NCKAP1L: variants seen among roughly 807,000 people sequenced by gnomAD.
NCKAP1L encodes the protein nck-associated protein 1-like.
In NCKAP1L, 53 loss-of-function variants were observed where a neutral mutation model predicts 139.2. That is an observed-to-expected ratio of 0.38 (90% CI 0.31 to 0.48). The LOEUF (loss-of-function observed/expected upper bound fraction) is 0.48, where lower values mean the gene tolerates loss of function less well. Among genes scored for constraint, NCKAP1L ranks in the 20% least tolerant of loss-of-function variants. NCKAP1L has a pLI of 0.98. For synonymous variants in NCKAP1L, 468 were observed against 499.7 expected, an observed-to-expected ratio of 0.94 and a Z score of 0.85; for missense variants, 1,151 against 1,381.9, an observed-to-expected ratio of 0.83 and a Z score of 2.65.
intron 16 of NCKAP1L, 83 bp from the exon 17 acceptor site, chr12:54,520,610 TA>T: frequency 1.4e-6 from 2 of 1,441,124 alleles, no homozygotes; most frequent in African/African-American, 1.4e-5. Flanking sequence ...TCTTAAACTC[TA>T]TTTTTCTTTT....
In NCKAP1L at chr12:54,545,884, A is replaced by C. The variant is rs1592357331; in HGVS notation, c.*3199A>C. On this transcript the variant is annotated 3_prime_UTR_variant, in exon 31 of 31. Coordinates refer to ENST00000293373, the MANE Select transcript of NCKAP1L (RefSeq NM_005337.5). ...CCCCTTTTGTTTGGACAGTAGAAAC[A>C]CTGCCTCCCCTGCCATGGTGTTCAA... 1 of 152,368 alleles carries C rather than the reference A, an allele frequency of 6.6e-6. No homozygotes were observed. Among genetic ancestry groups the C allele is most frequent in the East Asian group, 1.9e-4 (1 of 5,180 alleles). The allele number at this position is 152,368 out of a possible 1,614,324, so 9.4% of individuals were successfully genotyped here. A position where few individuals can be genotyped will look rare whatever the true frequency, so the allele number is the denominator to read the frequency against.
rs777655016 is a variant in NCKAP1L at position 54,509,776 on chromosome 12, T to G, written c.597+17T>G. 6.2e-7 allele frequency: 1 copy of G among 1,614,124 alleles called. No individual in the cohort carries two copies. Among genetic ancestry groups the G allele is most frequent in the South Asian group, 1.1e-5 (1 of 91,084 alleles). The stretch of plus-strand genomic sequence containing the variant: ...CACACAAAGGCAAGTTCCCTGACAA[T>G]GGAGAATTCCTCAGGCAAAAGTATA... On this transcript the variant is annotated intron_variant, in intron 6 of 30. Transcript: ENST00000293373.
chr12:54,529,327 G>A lies in NCKAP1L; in HGVS notation c.2506+950G>A, dbSNP rs11170967. On this transcript the variant is annotated intron_variant, in intron 22 of 30. Transcript: ENST00000293373. ...GTAAGGAGTGTGTAGTGAATGAGATGGGAAGCCTTTCCCTTTCTCAAGAGG... is the reference window on the plus strand; with the variant it reads ...GTAAGGAGTGTGTAGTGAATGAGATAGGAAGCCTTTCCCTTTCTCAAGAGG... 2.7e-3 allele frequency among the ~76,000 whole-genome samples: 404 copies of A among 152,266 alleles called. 7 individuals carry two copies. In the East Asian group the frequency reaches 0.061, roughly 23 times the overall value.
At chr12:54,522,364 G>C (rs188386299) in intron 18 of NCKAP1L, among the ~76,000 whole-genome samples, 2 of 152,340 alleles carry the variant, frequency 1.3e-5, no homozygotes, top group Admixed American at 1.3e-4. Context: ...CTGGTAAAGA[G>C]ATTTGCTCTG....
chr12:54,514,417 G>C, intron 9 of NCKAP1L, among the ~76,000 whole-genome samples: 1 of 151,950 alleles, frequency 6.6e-6, no homozygotes, highest in Non-Finnish European at 1.5e-5. Context: ...CACCTGCCGG[G>C]TTCAAGCGCT....
At chr12:54,519,163 A>G in intron 15 of NCKAP1L, 24 bp from the exon 16 acceptor site, 1 of 1,553,030 alleles carries the variant, frequency 6.4e-7, no homozygotes, top group Non-Finnish European at 8.7e-7. Context: ...ATTTTTCTCC[A>G]CACTTTCCCA....
intron 26 of NCKAP1L, among the ~76,000 whole-genome samples, chr12:54,534,691 C>A (rs1289872317): frequency 6.6e-6 from 1 of 152,132 alleles, no homozygotes; most frequent in Non-Finnish European, 1.5e-5. Flanking sequence ...AATAAATTAT[C>A]CTGGCAGCAC....
At chr12:54,518,825 G>A in intron 14 of NCKAP1L, 89 bp from the exon 15 acceptor site, 1 of 1,510,162 alleles carries the variant, frequency 6.6e-7, no homozygotes, top group Non-Finnish European at 9.2e-7. Context: ...AGTAGGACAA[G>A]ATGTTTTTGA....
At position 54,543,694 on chromosome 12, in the gene NCKAP1L, C is replaced by G. The variant is rs1957177353; in HGVS notation, c.*1009C>G. On this transcript the variant is annotated 3_prime_UTR_variant, in exon 31 of 31. Coordinates refer to ENST00000293373, the MANE Select transcript of NCKAP1L (RefSeq NM_005337.5). Reference sequence around the variant, plus strand: ...GAGTACAAGCTGTTTCAACTTAGCCCTTTTCTGCGCTAATTAGAATTTCAA... The same window carrying G: ...GAGTACAAGCTGTTTCAACTTAGCCGTTTTCTGCGCTAATTAGAATTTCAA... 6.6e-6 allele frequency: 1 copy of G among 152,200 alleles called. No homozygotes were observed. The highest frequency in any genetic ancestry group is 2.4e-5 in the African/African-American group (1 of 41,448). 9.4% of individuals were successfully genotyped at this position (152,200 alleles called of 1,614,324 possible). A position where few individuals can be genotyped will look rare whatever the true frequency, so the allele number is the denominator to read the frequency against.
chr12:54,535,972 T>G (rs894936772), intron 27 of NCKAP1L, among the ~76,000 whole-genome samples, 157 bp from the exon 28 acceptor site: 6 of 152,250 alleles, frequency 3.9e-5, no homozygotes, highest in African/African-American at 1.4e-4. Context: ...TCAGGAAAAT[T>G]AAGTAATAAC....
At chr12:54,516,422 C>T (rs1956931824) in intron 10 of NCKAP1L, 127 bp downstream of exon 10, 1 of 809,956 alleles carries the variant, frequency 1.2e-6, no homozygotes. Context: ...CTTGCTGCTA[C>T]CCCATAAATT....
Position 54,544,572 on chromosome 12 carries a change from T to G in NCKAP1L, c.*1887T>G, listed in dbSNP as rs555489212. The G allele has an allele frequency of 1.1e-4, 16 of 152,352 alleles. No homozygotes were observed. Among genetic ancestry groups the G allele is most frequent in the Admixed American group, 8.5e-4 (13 of 15,308 alleles). The allele number at this position is 152,352 out of a possible 1,614,324, so 9.4% of individuals were successfully genotyped here. ...ACCAGGATAACTGACATTGATATAA[T>G]CTACTGATCTTGTTCAGATTTCCTT... On this transcript the variant is annotated 3_prime_UTR_variant, in exon 31 of 31. Transcript: ENST00000293373.
Position 54,536,232 on chromosome 12 carries a change from C to T in NCKAP1L, c.3060C>T (p.Ser1020=). ...CCACTGACCCTTCTTCCTTTTATAG[C>T]ATTGAGAAGGATGGTAAGTAAGGGG... ...LLATDPSSFY[S]IEKDGYNNNI... is the part of the protein sequence containing the mutation. The change falls in exon 28 of 31, where the codon AGC becomes AGT. Residue 1020 remains serine (S), a synonymous_variant. Transcript: ENST00000293373. 6.2e-7 allele frequency: 1 copy of T among 1,608,804 alleles called. No homozygotes were observed. The highest frequency in any genetic ancestry group is 8.5e-7 in the Non-Finnish European group (1 of 1,175,938).
In NCKAP1L at chr12:54,543,668, G is replaced by A. The variant is rs1171049468; in HGVS notation, c.*983G>A. ...GGCCCTGAGAGTGGGTATCCTTGAG[G>A]GAGTACAAGCTGTTTCAACTTAGCC... On this transcript the variant is annotated 3_prime_UTR_variant, in exon 31 of 31. Transcript: ENST00000293373. The A allele has an allele frequency of 6.6e-6, 1 of 152,162 alleles. No homozygotes were observed. Among genetic ancestry groups the A allele is most frequent in the Non-Finnish European group, 1.5e-5 (1 of 68,046 alleles). 9.4% of individuals were successfully genotyped at this position (152,162 alleles called of 1,614,324 possible). A position where few individuals can be genotyped will look rare whatever the true frequency, so the allele number is the denominator to read the frequency against.
chr12:54,538,960 T>C lies in NCKAP1L; in HGVS notation c.3260T>C (p.Leu1087Pro). ...ACCAGAAATCGAGAATCCATTTCTCTGCTCATGCGCTTGGTAAGTACCTTA... is the reference window on the plus strand; with the variant it reads ...ACCAGAAATCGAGAATCCATTTCTCCGCTCATGCGCTTGGTAAGTACCTTA... ...LKTRNRESISLLMRLVVEESS... is the reference protein window; with the variant it reads ...LKTRNRESISPLMRLVVEESS... Residue 1087 changes from leucine (L) to proline (P), a missense_variant, in exon 30 of 31, where the codon CTG becomes CCG. By Grantham distance (98) the Leu-to-Pro change is moderately conservative (BLOSUM62 -3). Transcript: ENST00000293373. 1.2e-6 allele frequency: 2 copies of C among 1,613,982 alleles called. No individual in the cohort carries two copies. Among genetic ancestry groups the C allele is most frequent in the Non-Finnish European group, 1.7e-6 (2 of 1,179,854 alleles).
At position 54,509,658 on chromosome 12, in the gene NCKAP1L, C is replaced by T. The variant is rs867657709; in HGVS notation, c.507-11C>T. On this transcript the variant is annotated splice_polypyrimidine_tract_variant and intron_variant, in intron 5 of 30. Coordinates refer to ENST00000293373, the MANE Select transcript of NCKAP1L (RefSeq NM_005337.5). Reference sequence around the variant, plus strand: ...GGAGGGCTGTAACCCCTCTCCTCTGCTTTCTTCTAGTGACCCCAGTTTTGC... The same window carrying T: ...GGAGGGCTGTAACCCCTCTCCTCTGTTTTCTTCTAGTGACCCCAGTTTTGC... 3.1e-5 allele frequency: 50 copies of T among 1,603,396 alleles called. 1 individual carries two copies. In the Middle Eastern group the frequency reaches 7.5e-3, roughly 241 times the overall value.
At chr12:54,507,747 G>GTTTCTCTGTTACT in intron 3 of NCKAP1L, 106 bp from the exon 4 acceptor site, 1 of 987,618 alleles carries the variant, frequency 1.0e-6, no homozygotes, top group Non-Finnish European at 1.6e-6. Flanking sequence ...GTTACTTGGT[G>GTTTCTCTGTTACT]GCTTTCTAGG....
Position 54,537,032 on chromosome 12 carries a change from T to A in NCKAP1L, c.3162T>A (p.Thr1054=), listed in dbSNP as rs765208395. 1.2e-6 allele frequency: 2 copies of A among 1,611,950 alleles called. No homozygotes were observed. Among genetic ancestry groups the A allele is most frequent in the Admixed American group, 1.7e-5 (1 of 60,020 alleles). Residue 1054 remains threonine, a synonymous_variant, in exon 29 of 31, where the codon ACT becomes ACA. Transcript: ENST00000293373. ...CGCTCTACAACAAGAACATTGAAACTCACCTCAAGGAATTTCTGGTGGTGA... is the reference window on the plus strand; with the variant it reads ...CGCTCTACAACAAGAACATTGAAACACACCTCAAGGAATTTCTGGTGGTGA... ...LFTLYNKNIE[T]HLKEFLVVAS...
rs560755045 is a variant in NCKAP1L at position 54,508,333 on chromosome 12, G to A, written c.364-56G>A. On this transcript the variant is annotated intron_variant, in intron 4 of 30. Coordinates refer to ENST00000293373, the MANE Select transcript of NCKAP1L (RefSeq NM_005337.5). ...TGTCCAGAGTGGTTGGGGAAAGAAG[G>A]AGATCCAGGTTAATTGGCCATGCTG... is the stretch of plus-strand genomic sequence containing the variant. The A allele has an allele frequency of 3.2e-6, 5 of 1,578,474 alleles. No individual in the cohort carries two copies. In the African/African-American group the frequency reaches 4.0e-5, roughly 13 times the overall value.
Sources: allele counts gnomAD v4.1 joint callset (sites outside exome capture counted in the v4.1 genomes callset), GRCh38; gene constraint gnomAD v4.1.1; transcripts MANE v1.5; gene names NCBI Gene and HGNC (gene_info 2026-07-23, HGNC 2026-07-21).